Variants in PDE5A observed in about 807,000 individuals in gnomAD.
PDE5A encodes phosphodiesterase 5A.
PDE5A carries 67 observed loss-of-function variants against 110.2 expected under a neutral mutation model. That is an observed-to-expected ratio of 0.61 (90% CI 0.50 to 0.75). PDE5A has a LOEUF of 0.75. Ranked by LOEUF, PDE5A falls within the 30% of genes least tolerant of loss-of-function variation. PDE5A has a pLI of 0.00. For synonymous variants in PDE5A, 328 were observed against 351.2 expected (o/e 0.93, Z 0.74); for missense variants, 862 against 1,045.1 (o/e 0.82, Z 2.42).
rs1725168322 is a variant in PDE5A at position 119,498,498 on chromosome 4, GTA to G, written c.*101_*102del. On this transcript the variant is annotated 3_prime_UTR_variant, in exon 21 of 21. Coordinates refer to ENST00000354960, the MANE Select transcript of PDE5A (RefSeq NM_001083.4). Reference sequence around the variant, plus strand: ...AAAATAAAAATACAGCAGTGGCAAAGTATATACCAAATACAGACACTATACAG... The same window carrying G: ...AAAATAAAAATACAGCAGTGGCAAAGTATACCAAATACAGACACTATACAG... The G allele has an allele frequency of 7.6e-7, 1 of 1,319,212 alleles. No individual in the cohort carries two copies. Among genetic ancestry groups the G allele is most frequent in the Non-Finnish European group, 1.1e-6 (1 of 947,092 alleles). The allele number at this position is 1,319,212 out of a possible 1,614,324, so 81.7% of individuals were successfully genotyped here. A position where few individuals can be genotyped will look rare whatever the true frequency, so the allele number is the denominator to read the frequency against.
At chr4:119,505,975 A>C (rs765623457) in intron 16 of PDE5A, 43 bp from the exon 17 acceptor site, 21 of 1,132,544 alleles carry the variant, frequency 1.9e-5, no homozygotes, top group Non-Finnish European at 2.4e-5. Context: ...ATGAGTACCC[A>C]GGGTCTTATC....
chr4:119,628,111 A>T, intron 1 of PDE5A: 1 of 828,298 alleles, frequency 1.2e-6, no homozygotes, highest in Non-Finnish European at 1.5e-6. Context: ...CGGAGCCATC[A>T]AGACCGACTT....
At chr4:119,530,449 T>A (rs539073424) in intron 11 of PDE5A, among the ~76,000 whole-genome samples, 8 of 152,082 alleles carry the variant, frequency 5.3e-5, no homozygotes, top group Non-Finnish European at 1.2e-4. Flanking sequence ...AAAGCACTGA[T>A]TAGGAAGGAG....
chr4:119,569,331 T>C (rs1728058722), intron 3 of PDE5A, among the ~76,000 whole-genome samples: 1 of 152,054 alleles, frequency 6.6e-6, no homozygotes, highest in South Asian at 2.1e-4. Flanking sequence ...TACAGTAAGA[T>C]AGAAGAAATA....
chr4:119,584,454 T>C (rs1728688084), intron 3 of PDE5A, among the ~76,000 whole-genome samples: 1 of 152,222 alleles, frequency 6.6e-6, no homozygotes. Context: ...AATCAATCAC[T>C]AAACCTACTA....
intron 3 of PDE5A, among the ~76,000 whole-genome samples, chr4:119,568,074 A>G (rs1019372298): frequency 1.3e-5 from 2 of 152,112 alleles, no homozygotes; most frequent in African/African-American, 4.8e-5. Flanking sequence ...TAGCAGAACA[A>G]GGAAGGGGAA....
chr4:119,610,956 C>G (rs1009350310), intron 1 of PDE5A, among the ~76,000 whole-genome samples: 7 of 152,192 alleles, frequency 4.6e-5, no homozygotes, highest in African/African-American at 9.7e-5. Context: ...AACATCTTAG[C>G]TACCCTACTT....
chr4:119,628,103 G>A, intron 1 of PDE5A: 1 of 885,398 alleles, frequency 1.1e-6, no homozygotes, highest in Non-Finnish European at 1.4e-6. Context: ...GGGAGGAGCG[G>A]AGCCATCAAG....
At chr4:119,509,578 T>C (rs1725670964) in intron 15 of PDE5A, among the ~76,000 whole-genome samples, 1 of 151,998 alleles carries the variant, frequency 6.6e-6, no homozygotes, top group South Asian at 2.1e-4. Context: ...TCAACTTCTA[T>C]AATTCTGGCA....
chr4:119,621,585 G>T (rs115558266), intron 1 of PDE5A, among the ~76,000 whole-genome samples: 1 of 152,138 alleles, frequency 6.6e-6, no homozygotes, highest in African/African-American at 2.4e-5. Flanking sequence ...ATGCAAGGAA[G>T]GGCAGGTAAA....
intron 14 of PDE5A, among the ~76,000 whole-genome samples, chr4:119,513,887 A>T (rs1397352284): frequency 6.6e-6 from 1 of 152,210 alleles, no homozygotes; most frequent in Non-Finnish European, 1.5e-5. Flanking sequence ...ATGAATGCAA[A>T]CTGTGTTTGC....
chr4:119,502,508 A>G, intron 19 of PDE5A, 73 bp downstream of exon 19: 1 of 819,336 alleles, frequency 1.2e-6, no homozygotes, highest in Non-Finnish European at 2.0e-6. Context: ...GATCCCATAG[A>G]GCCATAAAAA....
chr4:119,593,710 T>G (rs766220188), intron 3 of PDE5A, among the ~76,000 whole-genome samples: 7 of 152,202 alleles, frequency 4.6e-5, no homozygotes, highest in Non-Finnish European at 8.8e-5. Flanking sequence ...ATTGTACACT[T>G]AAGCTGGGTA....
At chr4:119,516,406 A>G (rs1396350382) in intron 14 of PDE5A, among the ~76,000 whole-genome samples, 1 of 152,232 alleles carries the variant, frequency 6.6e-6, no homozygotes, top group Non-Finnish European at 1.5e-5. Flanking sequence ...ATATAACATA[A>G]TTTCACTGCA....
intron 2 of PDE5A, among the ~76,000 whole-genome samples, chr4:119,598,641 C>T (rs1436241492): frequency 6.6e-6 from 1 of 152,144 alleles, no homozygotes; most frequent in African/African-American, 2.4e-5. Context: ...AAATACAAGA[C>T]AACAAAGCCA....
At chr4:119,613,591 T>C (rs1352016892) in intron 1 of PDE5A, among the ~76,000 whole-genome samples, 2 of 152,164 alleles carry the variant, frequency 1.3e-5, no homozygotes, top group African/African-American at 4.8e-5. Context: ...GAAAAGATGA[T>C]TGTGAACATG....
At chr4:119,535,592 G>A (rs939817631) in intron 11 of PDE5A, among the ~76,000 whole-genome samples, 7 of 151,792 alleles carry the variant, frequency 4.6e-5, no homozygotes, top group African/African-American at 1.5e-4. Flanking sequence ...TATTATCTCC[G>A]CAACTTGCAA....
At chr4:119,614,666 C>A (rs6817975) in intron 1 of PDE5A, among the ~76,000 whole-genome samples, 20,557 of 152,142 alleles carry the variant, frequency 0.14, 1,470 homozygotes, top group Non-Finnish European at 0.15. Context: ...AAATCAAGTT[C>A]ATTCATTTTG....
chr4:119,616,886 G>A (rs1349784158), intron 1 of PDE5A, among the ~76,000 whole-genome samples: 1 of 152,072 alleles, frequency 6.6e-6, no homozygotes, highest in African/African-American at 2.4e-5. Context: ...CATACTATGT[G>A]CTCATATTTT....
Sources: gnomAD v4.1 joint callset for allele counts (sites outside exome capture counted in the v4.1 genomes callset) on GRCh38, gnomAD v4.1.1 for gene constraint, MANE v1.5 for transcripts, NCBI Gene and HGNC (gene_info 2026-07-23, HGNC 2026-07-21) for gene names.